Variants in NDUFAF2 observed in about 807,000 individuals in gnomAD.
NDUFAF2 encodes the protein NADH dehydrogenase [ubiquinone] 1 alpha subcomplex assembly factor 2.
Under a neutral mutation model 22.8 loss-of-function variants are expected in NDUFAF2, and 13 were observed. That is an observed-to-expected ratio of 0.57 (90% confidence interval 0.37 to 0.91). NDUFAF2 has a LOEUF of 0.91. Among genes scored for constraint, NDUFAF2 ranks in the 40% least tolerant of loss-of-function variants. The pLI, the probability that NDUFAF2 is intolerant of heterozygous loss-of-function variation, is 0.01. For missense variants in NDUFAF2, 162 were observed against 195.2 expected, an observed-to-expected ratio of 0.83 and a Z score of 1.01; for synonymous variants, 53 against 64.2, an observed-to-expected ratio of 0.83 and a Z score of 0.84.
intron 1 of NDUFAF2, among the ~76,000 whole-genome samples, chr5:60,991,352 A>G (rs1241996971): frequency 2.6e-5 from 4 of 151,674 alleles, no homozygotes; most frequent in South Asian, 2.1e-4. Flanking sequence ...AAGTTATTTA[A>G]AAATTATTAT....
At chr5:61,132,516 GC>G (rs1753124947) in intron 3 of NDUFAF2, among the ~76,000 whole-genome samples, 1 of 152,076 alleles carries the variant, frequency 6.6e-6, no homozygotes. Flanking sequence ...CTTAAAGGAA[GC>G]CTGTCTCCTG....
intron 1 of NDUFAF2, among the ~76,000 whole-genome samples, chr5:61,040,556 T>TA (rs1018658299): frequency 2.0e-5 from 3 of 150,914 alleles, no homozygotes; most frequent in East Asian, 3.9e-4. Context: ...TAAATATATA[T>TA]TTTTTTGCCT....
intron 1 of NDUFAF2, among the ~76,000 whole-genome samples, chr5:60,957,932 G>A (rs1205189330): frequency 6.6e-6 from 1 of 152,144 alleles, no homozygotes; most frequent in Non-Finnish European, 1.5e-5. Context: ...TGATAACCAG[G>A]ACTCCCTGTA....
intron 1 of NDUFAF2, among the ~76,000 whole-genome samples, chr5:61,018,028 A>G (rs1317939374): frequency 6.6e-6 from 1 of 152,212 alleles, no homozygotes; most frequent in Admixed American, 6.5e-5. Context: ...CTGGGATTAC[A>G]GGCGTGAGCC....
intron 3 of NDUFAF2, among the ~76,000 whole-genome samples, chr5:61,120,907 T>C (rs552139358): frequency 1.1e-4 from 16 of 152,298 alleles, no homozygotes; most frequent in African/African-American, 3.8e-4. Context: ...GTTTTTCCTC[T>C]TATTCTCTCC....
chr5:61,004,236 C>T (rs1751336679), intron 1 of NDUFAF2, among the ~76,000 whole-genome samples: 1 of 151,946 alleles, frequency 6.6e-6, no homozygotes, highest in African/African-American at 2.4e-5. Context: ...ACAGATATCC[C>T]TTCTATGTTC....
chr5:61,011,366 A>T (rs1751440811), intron 1 of NDUFAF2, among the ~76,000 whole-genome samples: 1 of 152,120 alleles, frequency 6.6e-6, no homozygotes, highest in Non-Finnish European at 1.5e-5. Flanking sequence ...TTTTGAGTTC[A>T]TGAGTTAGTG....
intron 1 of NDUFAF2, among the ~76,000 whole-genome samples, chr5:60,983,832 C>T (rs545087381): frequency 2.0e-5 from 3 of 151,988 alleles, no homozygotes; most frequent in Admixed American, 6.6e-5. Context: ...AGTCAGGTAG[C>T]ATGATGCCTC....
At chr5:60,972,918 A>G (rs1750855365) in intron 1 of NDUFAF2, among the ~76,000 whole-genome samples, 1 of 148,966 alleles carries the variant, frequency 6.7e-6, no homozygotes, top group South Asian at 2.1e-4. Flanking sequence ...TTCTATTACT[A>G]TCTCATTTGT....
At chr5:60,963,998 CA>C (rs2112569186) in intron 1 of NDUFAF2, among the ~76,000 whole-genome samples, 1 of 152,102 alleles carries the variant, frequency 6.6e-6, no homozygotes, top group African/African-American at 2.4e-5. Context: ...AGAATTATTC[CA>C]GGGTTTTTAG....
chr5:61,120,742 C>T (rs199854552), intron 3 of NDUFAF2, among the ~76,000 whole-genome samples: 1 of 132,660 alleles, frequency 7.5e-6, no homozygotes, highest in African/African-American at 2.8e-5. Context: ...TCTGAGTCAT[C>T]ATTAGTCACT....
chr5:61,053,029 C>G (rs1752044800), intron 1 of NDUFAF2, among the ~76,000 whole-genome samples: 1 of 152,184 alleles, frequency 6.6e-6, no homozygotes, highest in South Asian at 2.1e-4. Flanking sequence ...AGATGTGAGT[C>G]ACTTCATTGG....
chr5:61,126,966 C>T (rs529690842), intron 3 of NDUFAF2, among the ~76,000 whole-genome samples: 2 of 152,182 alleles, frequency 1.3e-5, no homozygotes, highest in Non-Finnish European at 2.9e-5. Flanking sequence ...CACCACCGAT[C>T]CCACAGAAAT....
intron 3 of NDUFAF2, among the ~76,000 whole-genome samples, chr5:61,112,565 A>G (rs1372576859): frequency 6.6e-6 from 1 of 152,196 alleles, no homozygotes; most frequent in Non-Finnish European, 1.5e-5. Context: ...TGATATAAGT[A>G]TAGCTACTCC....
chr5:61,029,040 C>A (rs1004016470), intron 1 of NDUFAF2, among the ~76,000 whole-genome samples: 2 of 152,046 alleles, frequency 1.3e-5, no homozygotes, highest in Non-Finnish European at 2.9e-5. Flanking sequence ...TTTCAGCAAT[C>A]TTAGCATGTT....
At chr5:61,007,218 T>C (rs1015322774) in intron 1 of NDUFAF2, among the ~76,000 whole-genome samples, 3 of 151,930 alleles carry the variant, frequency 2.0e-5, no homozygotes, top group Non-Finnish European at 4.4e-5. Flanking sequence ...TGGTAATGCC[T>C]AGGTTTTCTT....
chr5:61,087,043 C>G (rs533629616), intron 2 of NDUFAF2, among the ~76,000 whole-genome samples: 4 of 152,212 alleles, frequency 2.6e-5, no homozygotes, highest in Non-Finnish European at 5.9e-5. Context: ...TGTTGAAGCC[C>G]TAACTCTAAA....
intron 1 of NDUFAF2, among the ~76,000 whole-genome samples, chr5:60,977,836 C>CAA (rs373286895): frequency 0.091 from 10,641 of 116,362 alleles, 777 homozygotes; most frequent in East Asian, 0.37. Flanking sequence ...GACTCTGTCT[C>CAA]AAAAAAAAAA....
intron 1 of NDUFAF2, among the ~76,000 whole-genome samples, chr5:61,024,115 A>G (rs1189477367): frequency 6.6e-6 from 1 of 152,086 alleles, no homozygotes; most frequent in Non-Finnish European, 1.5e-5. Flanking sequence ...AAGCCCTTAC[A>G]TATTGGCTTG....
Sources: allele counts gnomAD v4.1 joint callset (sites outside exome capture counted in the v4.1 genomes callset), GRCh38; gene constraint gnomAD v4.1.1; transcripts MANE v1.5; gene names NCBI Gene and HGNC (gene_info 2026-07-23, HGNC 2026-07-21).